The following CEP112 variants were observed in gnomAD, a reference collection of about 807,000 sequenced individuals.
The protein encoded by CEP112 is centrosomal protein 112.
A neutral mutation model predicts 153.0 loss-of-function variants in CEP112; 127 were observed. The observed-to-expected ratio is 0.83, with a 90% confidence interval of 0.72 to 0.96. CEP112 has a LOEUF of 0.96. Among genes scored for constraint, CEP112 ranks in the 40% least tolerant of loss-of-function variants. The pLI, the probability that CEP112 is intolerant of heterozygous loss-of-function variation, is 0.00. For synonymous variants in CEP112, 358 were observed against 374.4 expected (o/e 0.96, Z 0.51); for missense variants, 1,089 against 1,101.2 (o/e 0.99, Z 0.16).
chr17:65,984,760 A>G (rs969867308), intron 17 of CEP112, among the ~76,000 whole-genome samples: 4 of 152,218 alleles, frequency 2.6e-5, no homozygotes, highest in African/African-American at 9.6e-5. Context: ...CAAGATACAC[A>G]TTTGTATAGC....
rs369959427 is a variant in CEP112, at chr17:66,176,853, G to T, written c.274C>A (p.Leu92Ile). 1 of 1,607,368 alleles carries T rather than the reference G, an allele frequency of 6.2e-7. No homozygotes were observed. Among genetic ancestry groups the T allele is most frequent in the Non-Finnish European group, 8.5e-7 (1 of 1,177,876 alleles). ...PFTHRPEPGT[L>I]KILPSYMSIY... ...ACCATGTATGAAGGTAGAATTTTTAGTGTCCCGGGTTCAGGTCGGTGTGTA... is the reference window on the plus strand; with the variant it reads ...ACCATGTATGAAGGTAGAATTTTTATTGTCCCGGGTTCAGGTCGGTGTGTA... The change falls in exon 3 of 27, where the codon CTA becomes ATA. Residue 92 changes from leucine to isoleucine, a missense_variant. Transcript: ENST00000535342.
At chr17:65,779,250 A>T (rs2053867838) in intron 21 of CEP112, among the ~76,000 whole-genome samples, 1 of 152,200 alleles carries the variant, frequency 6.6e-6, no homozygotes, top group South Asian at 2.1e-4. Flanking sequence ...AATTGTTCCT[A>T]GCAAGTTACT....
chr17:66,080,542 G>A (rs1057445305), intron 8 of CEP112, among the ~76,000 whole-genome samples: 2 of 152,172 alleles, frequency 1.3e-5, no homozygotes, highest in Admixed American at 1.3e-4. Flanking sequence ...GGAGAAATAG[G>A]GACACTTTTA....
intron 23 of CEP112, among the ~76,000 whole-genome samples, chr17:65,733,704 TTTG>T (rs1388313756): frequency 1.3e-5 from 2 of 152,302 alleles, no homozygotes; most frequent in African/African-American, 2.4e-5. Flanking sequence ...AATGACACTA[TTTG>T]TTATCAGAAC....
Position 66,029,165 on chromosome 17 carries a change from A to T in CEP112, c.1461T>A (p.Asp487Glu). 6.2e-7 allele frequency: 1 copy of T among 1,608,942 alleles called. No homozygotes were observed. Among genetic ancestry groups the T allele is most frequent in the Non-Finnish European group, 8.5e-7 (1 of 1,175,870 alleles). Residue 487 changes from aspartate to glutamate, a missense_variant, in exon 14 of 27, where the codon GAT becomes GAA. Physicochemically the swap from Asp to Glu is conservative, Grantham distance 45. Transcript: ENST00000535342. Reference sequence around the variant, plus strand: ...CATGTTCTTGTTTTAGAAGGTTTATATCAGCATCATATTTGGTTTGTAACA... The same window carrying T: ...CATGTTCTTGTTTTAGAAGGTTTATTTCAGCATCATATTTGGTTTGTAACA... Reference protein sequence around the residue: ...MKLLQTKYDADINLLKQEHAL... With the variant: ...MKLLQTKYDAEINLLKQEHAL...
intron 21 of CEP112, among the ~76,000 whole-genome samples, chr17:65,760,254 T>C (rs1283040485): frequency 6.6e-6 from 1 of 152,156 alleles, no homozygotes; most frequent in African/African-American, 2.4e-5. Context: ...TCTTATTTCC[T>C]TTTCTTGTGT....
At chr17:65,774,164 C>T (rs985192067) in intron 21 of CEP112, among the ~76,000 whole-genome samples, 2 of 151,768 alleles carry the variant, frequency 1.3e-5, no homozygotes, top group Admixed American at 6.6e-5. Context: ...AATAAGAATA[C>T]TACTTGAAAG....
chr17:65,717,014 G>A (rs764251426), intron 23 of CEP112, among the ~76,000 whole-genome samples: 6 of 152,192 alleles, frequency 3.9e-5, no homozygotes, highest in Non-Finnish European at 5.9e-5. Context: ...TCAGAAGCCA[G>A]GAGTCTGTAA....
chr17:65,707,159 C>T (rs1240164410), intron 23 of CEP112, among the ~76,000 whole-genome samples: 1 of 152,186 alleles, frequency 6.6e-6, no homozygotes, highest in East Asian at 1.9e-4. Context: ...ATACAGCAGC[C>T]ACTTACTTTG....
intron 21 of CEP112, among the ~76,000 whole-genome samples, chr17:65,802,979 T>C (rs2055369954): frequency 6.6e-6 from 1 of 152,224 alleles, no homozygotes; most frequent in African/African-American, 2.4e-5. Context: ...ATGACACCAC[T>C]TGAAATCTAA....
At chr17:65,648,695 A>G (rs912597664) in intron 24 of CEP112, among the ~76,000 whole-genome samples, 1 of 152,236 alleles carries the variant, frequency 6.6e-6, no homozygotes, top group Non-Finnish European at 1.5e-5. Flanking sequence ...TTGAAAATCT[A>G]TAATTTCATT....
chr17:66,129,595 T>C (rs2070030629), intron 6 of CEP112, 151 bp downstream of exon 6: 1 of 467,104 alleles, frequency 2.1e-6, no homozygotes, highest in Non-Finnish European at 3.8e-6. Flanking sequence ...TGTTATTTAT[T>C]TCCTATACTT....
intron 16 of CEP112, among the ~76,000 whole-genome samples, chr17:66,023,512 G>A (rs1479313104): frequency 6.6e-6 from 1 of 152,078 alleles, no homozygotes; most frequent in Non-Finnish European, 1.5e-5. Flanking sequence ...TCCCAGACAA[G>A]CAAATACTGA....
rs116067695 is a variant in CEP112 at position 65,990,229 on chromosome 17, C to T, written c.1736+15461G>A. On this transcript the variant is annotated intron_variant, in intron 17 of 26. Transcript: ENST00000535342. ...CAATAAAAAGGCATAGAGTGTAGGG[C>T]AGAGCAAGATGGCTAAATAGAAGCT... is the stretch of plus-strand genomic sequence containing the variant. 1.5e-3 allele frequency among the ~76,000 whole-genome samples: 232 copies of T among 152,146 alleles called. 1 individual carries two copies. The highest frequency in any genetic ancestry group is 4.5e-3 in the African/African-American group (185 of 41,486).
At chr17:65,761,071 T>G (rs997777260) in intron 21 of CEP112, among the ~76,000 whole-genome samples, 5 of 152,072 alleles carry the variant, frequency 3.3e-5, no homozygotes, top group Admixed American at 3.3e-4. Context: ...ACAATACTCG[T>G]GGGCTCTTTA....
chr17:66,159,360 G>A (rs906927556), intron 4 of CEP112, among the ~76,000 whole-genome samples: 2 of 152,104 alleles, frequency 1.3e-5, no homozygotes, highest in African/African-American at 2.4e-5. Flanking sequence ...CGAGGCCAGA[G>A]TTATCCTGAT....
chr17:65,707,970 A>G (rs921135667), intron 23 of CEP112, among the ~76,000 whole-genome samples: 3 of 152,242 alleles, frequency 2.0e-5, no homozygotes, highest in African/African-American at 7.2e-5. Context: ...CAAAATTTTA[A>G]CAGTGTAGTT....
intron 17 of CEP112, among the ~76,000 whole-genome samples, chr17:65,963,733 A>C (rs934376096): frequency 1.3e-5 from 2 of 151,078 alleles, no homozygotes; most frequent in African/African-American, 2.4e-5. Flanking sequence ...TCCCATCCCC[A>C]CCCCTGTATT....
At chr17:65,918,648 G>C (rs1404531284) in intron 19 of CEP112, among the ~76,000 whole-genome samples, 2 of 152,134 alleles carry the variant, frequency 1.3e-5, no homozygotes, top group African/African-American at 2.4e-5. Flanking sequence ...TAGCATGCCT[G>C]GTTGGTTGTT....
Sources: gnomAD v4.1 joint callset for allele counts (sites outside exome capture counted in the v4.1 genomes callset) on GRCh38, gnomAD v4.1.1 for gene constraint, MANE v1.5 for transcripts, NCBI Gene and HGNC (gene_info 2026-07-23, HGNC 2026-07-21) for gene names.